Variants in ITGB3 observed in about 807,000 individuals in gnomAD.
The protein encoded by ITGB3 is integrin subunit beta 3.
Under a neutral mutation model 85.8 loss-of-function variants are expected in ITGB3, and 48 were observed. The observed-to-expected ratio is 0.56, with a 90% CI of 0.44 to 0.71. ITGB3 has a LOEUF of 0.71. Among genes scored for constraint, ITGB3 ranks in the 30% least tolerant of loss-of-function variants. The probability of loss-of-function intolerance (pLI) is 0.00; values close to 1 mark genes in which losing one functional copy is unlikely to be tolerated. For synonymous variants in ITGB3, 363 were observed against 395.6 expected (o/e 0.92, Z 0.98); for missense variants, 861 against 1,019.1 (o/e 0.84, Z 2.11).
At chr17:47,283,096 G>A (rs1046059898) in intron 2 of ITGB3, among the ~76,000 whole-genome samples, 15 of 150,528 alleles carry the variant, frequency 1.0e-4, no homozygotes, top group Admixed American at 2.6e-4. Context: ...TGGTAGAGAC[G>A]GGGTCTAGCT....
chr17:47,273,482 G>A (rs973610184), intron 1 of ITGB3, among the ~76,000 whole-genome samples: 3 of 152,234 alleles, frequency 2.0e-5, no homozygotes, highest in Non-Finnish European at 4.4e-5. Context: ...CTAAGCAGAT[G>A]CCTGGGTTTG....
chr17:47,300,830 CAA>C (rs2065164815), intron 12 of ITGB3, among the ~76,000 whole-genome samples: 1 of 152,152 alleles, frequency 6.6e-6, no homozygotes, highest in Non-Finnish European at 1.5e-5. Context: ...CAAGAGCCTG[CAA>C]AGCAAAGGGA....
At chr17:47,285,479 A>G (rs2065099254) in intron 4 of ITGB3, among the ~76,000 whole-genome samples, 1 of 152,064 alleles carries the variant, frequency 6.6e-6, no homozygotes, top group Admixed American at 6.6e-5. Flanking sequence ...GCTATGTGTG[A>G]TGGCGCATGC....
At chr17:47,286,979 C>T in intron 5 of ITGB3, 91 bp from the exon 6 acceptor site, 1 of 1,362,614 alleles carries the variant, frequency 7.3e-7, no homozygotes, top group South Asian at 1.2e-5. Context: ...GCCCTTTAGC[C>T]AGGGAGCACC....
rs199866795 is a variant in ITGB3 at position 47,283,375 on chromosome 17, C to T, written c.187C>T (p.Arg63Cys). 46 of 1,614,112 alleles carry T rather than the reference C, an allele frequency of 2.8e-5. No individual in the cohort carries two copies. The highest frequency in any genetic ancestry group is 3.4e-5 in the Non-Finnish European group (40 of 1,180,050). Reference protein sequence around the residue: ...SDEALPLGSPRCDLKENLLKD... With the variant: ...SDEALPLGSPCCDLKENLLKD... ...ACAGGCCCTGCCTCTGGGCTCACCTCGCTGTGACCTGAAGGAGAATCTGCT... is the reference window on the plus strand; with the variant it reads ...ACAGGCCCTGCCTCTGGGCTCACCTTGCTGTGACCTGAAGGAGAATCTGCT... Residue 63 changes from arginine to cysteine, a missense_variant, in exon 3 of 15, where the codon CGC becomes TGC. By Grantham distance (180) the Arg-to-Cys change is radical. Transcript: ENST00000559488.
intron 2 of ITGB3, among the ~76,000 whole-genome samples, chr17:47,281,432 C>T (rs2065083504): frequency 6.6e-6 from 1 of 152,242 alleles, no homozygotes; most frequent in South Asian, 2.1e-4. Flanking sequence ...ACTGAAAACA[C>T]TGTGTCATCT....
At position 47,296,918 on chromosome 17, in the gene ITGB3, C is replaced by G. The variant is rs1411649705; in HGVS notation, c.1691-2390C>G. On this transcript the variant is annotated intron_variant, in intron 10 of 14. Coordinates refer to ENST00000559488, the MANE Select transcript of ITGB3 (RefSeq NM_000212.3). ...GGCTGAGGACAGGGCATGGAAATATCTACAGTGAGGCCCATCCACCCTTCG... is the reference window on the plus strand; with the variant it reads ...GGCTGAGGACAGGGCATGGAAATATGTACAGTGAGGCCCATCCACCCTTCG... Among the ~76,000 whole-genome samples, 2 of 152,220 alleles carry G rather than the reference C, an allele frequency of 1.3e-5. 1 individual carries two copies. The highest frequency in any genetic ancestry group is 3.8e-4 in the East Asian group (2 of 5,206).
intron 10 of ITGB3, among the ~76,000 whole-genome samples, chr17:47,293,719 T>C (rs1259854813): frequency 6.6e-6 from 1 of 152,160 alleles, no homozygotes; most frequent in Non-Finnish European, 1.5e-5. Context: ...GCAATTCTCC[T>C]GCCTCAGCCT....
intron 6 of ITGB3, 94 bp from the exon 7 acceptor site, chr17:47,289,587 T>C: frequency 1.1e-6 from 1 of 907,230 alleles, no homozygotes; most frequent in Non-Finnish European, 1.8e-6. Context: ...ACCACCACAC[T>C]CTGAGCCACA....
chr17:47,256,303 T>G (rs1567757687), intron 1 of ITGB3, among the ~76,000 whole-genome samples: 1 of 151,966 alleles, frequency 6.6e-6, no homozygotes, highest in Non-Finnish European at 1.5e-5. Context: ...TAATCTCTAC[T>G]AAAAATTAAA....
chr17:47,280,169 A>C (rs1166688359), intron 2 of ITGB3: 1 of 152,272 alleles, frequency 6.6e-6, no homozygotes, highest in Non-Finnish European at 1.5e-5. Context: ...ATGAGAGAGA[A>C]AGAGAGAAGC....
chr17:47,307,744 A>C (rs1185526219), intron 14 of ITGB3, 107 bp downstream of exon 14: 2 of 1,080,534 alleles, frequency 1.9e-6, no homozygotes, highest in Non-Finnish European at 2.8e-6. Context: ...TCGTCTTTCC[A>C]TTATCCTCTG....
chr17:47,309,096 G>A (rs2065202862), intron 14 of ITGB3, among the ~76,000 whole-genome samples: 1 of 150,504 alleles, frequency 6.6e-6, no homozygotes, highest in Non-Finnish European at 1.5e-5. Flanking sequence ...CACCCATGCT[G>A]GAGTGCAGTG....
chr17:47,304,753 G>A (rs959004851), intron 13 of ITGB3, among the ~76,000 whole-genome samples: 2 of 151,904 alleles, frequency 1.3e-5, no homozygotes, highest in Admixed American at 6.6e-5. Flanking sequence ...GATTACAGGC[G>A]CCCACCACCA....
intron 1 of ITGB3, among the ~76,000 whole-genome samples, chr17:47,269,758 C>A (rs1050670507): frequency 1.3e-5 from 2 of 152,214 alleles, no homozygotes; most frequent in African/African-American, 4.8e-5. Context: ...CAATTTCTGC[C>A]TGTTACTCAG....
chr17:47,279,017 C>T (rs1295794094), intron 2 of ITGB3, among the ~76,000 whole-genome samples: 2 of 152,176 alleles, frequency 1.3e-5, no homozygotes, highest in Non-Finnish European at 2.9e-5. Flanking sequence ...ATTTTGAAAG[C>T]ATTTCACATT....
rs1480456706 is a variant in ITGB3 at position 47,253,955 on chromosome 17, G to C, written c.79+15G>C. ...TGGCGTAGGAGGTGAGTGAGGCTCC[G>C]GCTCGGCAGCGTCGCAGCTGCCCCA... On this transcript the variant is annotated intron_variant, in intron 1 of 14. Coordinates refer to ENST00000559488, the MANE Select transcript of ITGB3 (RefSeq NM_000212.3). 2 of 1,401,936 alleles carry C rather than the reference G, an allele frequency of 1.4e-6. No individual in the cohort carries two copies. Among genetic ancestry groups the C allele is most frequent in the East Asian group, 3.1e-5 (1 of 32,550 alleles). 86.8% of individuals were successfully genotyped at this position (1,401,936 alleles called of 1,614,324 possible). A position where few individuals can be genotyped will look rare whatever the true frequency, so the allele number is the denominator to read the frequency against.
intron 1 of ITGB3, among the ~76,000 whole-genome samples, chr17:47,262,186 G>C (rs1435026505): frequency 6.6e-6 from 1 of 152,174 alleles, no homozygotes; most frequent in Non-Finnish European, 1.5e-5. Flanking sequence ...TTCCTACCAA[G>C]ACAGGCTGGC....
At chr17:47,274,606 C>A (rs559715688) in intron 2 of ITGB3, 102 bp downstream of exon 2, 2 of 966,496 alleles carry the variant, frequency 2.1e-6, no homozygotes, top group Admixed American at 3.5e-5. Context: ...TACACATGCC[C>A]CTTATCCCTT....
Sources: allele counts gnomAD v4.1 joint callset (sites outside exome capture counted in the v4.1 genomes callset), GRCh38; gene constraint gnomAD v4.1.1; transcripts MANE v1.5; gene names NCBI Gene and HGNC (gene_info 2026-07-23, HGNC 2026-07-21).